The following PGK1 variants were observed in gnomAD, a reference collection of about 807,000 sequenced individuals.
The protein encoded by PGK1 is phosphoglycerate kinase 1.
In PGK1, 3 loss-of-function variants were observed where a neutral mutation model predicts 26.9. The ratio of observed to expected loss-of-function variants is 0.11; its 90% CI spans 0.05 to 0.29. PGK1 has a LOEUF of 0.29. Ranked by LOEUF, PGK1 falls within the 10% of genes least tolerant of loss-of-function variation. The pLI, the probability that PGK1 is intolerant of heterozygous loss-of-function variation, is 1.00. For missense variants in PGK1, 270 were observed against 314.7 expected (o/e 0.86, Z 1.07); for synonymous variants, 125 against 115.3 (o/e 1.08, Z -0.54).
At chrX:78,107,383 T>C (rs2078277204) in intron 1 of PGK1, among the ~76,000 whole-genome samples, 1 of 111,728 alleles carries the variant, frequency 9.0e-6, no homozygotes, top group South Asian at 3.8e-4. Flanking sequence ...ATGCTACCTC[T>C]TTATAATAAT....
intron 8 of PGK1, among the ~76,000 whole-genome samples, chrX:78,123,613 T>A: frequency 1.0e-5 from 1 of 100,186 alleles, no homozygotes; most frequent in East Asian, 3.3e-4. Context: ...TGTTGTTGTT[T>A]TTTTTTTTTT....
rs1557247562 is a variant in PGK1, at chrX:78,117,369, G to A, written c.475G>A (p.Asp159Asn). 4.1e-6 allele frequency: 5 copies of A among 1,204,910 alleles called. No homozygotes were observed. In the South Asian group the frequency reaches 8.8e-5, roughly 21 times the overall value. Residue 159 changes from aspartate (D) to asparagine (N), a missense_variant, in exon 5 of 11, where the codon GAT becomes AAT. Coordinates refer to ENST00000373316, the MANE Select transcript of PGK1 (RefSeq NM_000291.4). Reference sequence around the variant, plus strand: ...CCGAGCTTCACTTTCCAAGCTAGGGGATGTCTATGTCAATGATGCTTTTGG... The same window carrying A: ...CCGAGCTTCACTTTCCAAGCTAGGGAATGTCTATGTCAATGATGCTTTTGG... ...AFRASLSKLG[D>N]VYVNDAFGTA...
chrX:78,104,843 C>T (rs192323209), intron 1 of PGK1, among the ~76,000 whole-genome samples: 27 of 111,711 alleles, frequency 2.4e-4, no homozygotes, highest in Admixed American at 2.3e-3. Flanking sequence ...CGGCCCACAT[C>T]TCACAGGTTC....
At position 78,117,400 on chromosome X, in the gene PGK1, C is replaced by A; in HGVS notation, c.506C>A (p.Ala169Asp). 1 of 1,155,438 alleles carries A rather than the reference C, an allele frequency of 8.7e-7. No homozygotes were observed. Among genetic ancestry groups the A allele is most frequent in the Non-Finnish European group, 1.2e-6 (1 of 843,916 alleles). Residue 169 changes from alanine (A) to aspartate (D), a missense_variant, in exon 5 of 11, where the codon GCT becomes GAT. Coordinates refer to ENST00000373316, the MANE Select transcript of PGK1 (RefSeq NM_000291.4). ...TATGTCAATGATGCTTTTGGCACTGCTCACAGAGCCCACAGGTACCAAGAA... is the reference window on the plus strand; with the variant it reads ...TATGTCAATGATGCTTTTGGCACTGATCACAGAGCCCACAGGTACCAAGAA... ...DVYVNDAFGT[A>D]HRAHSSMVGV...
At chrX:78,125,555 G>A (rs1208002609) in intron 10 of PGK1, 130 bp downstream of exon 10, 2 of 547,350 alleles carry the variant, frequency 3.7e-6, no homozygotes, top group African/African-American at 4.6e-5. Context: ...GGGCAGTACA[G>A]AGGAACTTCA....
At chrX:78,125,269 C>A in intron 9 of PGK1, 58 bp from the exon 10 acceptor site, 1 of 962,999 alleles carries the variant, frequency 1.0e-6, no homozygotes, top group Non-Finnish European at 1.5e-6. Flanking sequence ...AGTTTTGGTG[C>A]CAATCCCTTT....
chrX:78,106,905 T>C (rs782523004), intron 1 of PGK1, among the ~76,000 whole-genome samples: 15 of 107,628 alleles, frequency 1.4e-4, no homozygotes, highest in African/African-American at 4.7e-4. Context: ...CTCCAACTTG[T>C]AACTTGTAAA....
chrX:78,125,088 C>T, intron 9 of PGK1, 37 bp downstream of exon 9: 1 of 1,121,015 alleles, frequency 8.9e-7, no homozygotes. Context: ...CCCATATAAG[C>T]TGGCAGAATT....
intron 2 of PGK1, among the ~76,000 whole-genome samples, chrX:78,110,365 G>A (rs1173727503): frequency 1.8e-5 from 2 of 109,371 alleles, no homozygotes; most frequent in Admixed American, 1.9e-4. Context: ...TCACTATGTT[G>A]CCTAGGCTGT....
intron 1 of PGK1, among the ~76,000 whole-genome samples, chrX:78,105,014 G>A (rs1045791590): frequency 8.9e-6 from 1 of 112,408 alleles, no homozygotes; most frequent in African/African-American, 3.2e-5. Context: ...CCTGCAGCGC[G>A]GTATCGTTGG....
intron 6 of PGK1, among the ~76,000 whole-genome samples, chrX:78,118,782 G>C (rs1557247721): frequency 9.0e-6 from 1 of 110,631 alleles, no homozygotes; most frequent in East Asian, 2.8e-4. Context: ...AGAGCTATCT[G>C]ATGGGAACTG....
At chrX:78,121,268 G>T (rs1453058728) in intron 6 of PGK1, among the ~76,000 whole-genome samples, 1 of 112,102 alleles carries the variant, frequency 8.9e-6, no homozygotes, top group African/African-American at 3.2e-5. Context: ...TGGCTGTTAG[G>T]TATCTCTTGT....
Position 78,104,313 on chromosome X carries a change from G to C in PGK1, c.-28G>C, listed in dbSNP as rs1557245917. 1 of 1,136,470 alleles carries C rather than the reference G, an allele frequency of 8.8e-7. No individual in the cohort carries two copies. Among genetic ancestry groups the C allele is most frequent in the African/African-American group, 1.8e-5 (1 of 56,064 alleles). 93.7% of individuals were successfully genotyped at this position (1,136,470 alleles called of 1,213,427 possible). On this transcript the variant is annotated 5_prime_UTR_variant, in exon 1 of 11. Coordinates refer to ENST00000373316, the MANE Select transcript of PGK1 (RefSeq NM_000291.4). ...CGGCTCCCTCGTTGACCGAATCACC[G>C]ACCTCTCTCCCCAGCTGTATTTCCA...
chrX:78,123,428 A>T (rs1603398551), intron 8 of PGK1, 54 bp downstream of exon 8: 1 of 925,569 alleles, frequency 1.1e-6, no homozygotes, highest in Non-Finnish European at 1.6e-6. Context: ...CTGTGGTGTC[A>T]TTTATTCATT....
chrX:78,109,946 G>T, intron 2 of PGK1, 29 bp downstream of exon 2: 3 of 998,473 alleles, frequency 3.0e-6, no homozygotes, highest in Middle Eastern at 2.6e-4. Context: ...CTTGGGCTGG[G>T]TTTAAGATGT....
intron 2 of PGK1, among the ~76,000 whole-genome samples, chrX:78,110,753 A>C (rs782472619): frequency 9.0e-5 from 10 of 110,665 alleles, no homozygotes; most frequent in Non-Finnish European, 1.5e-4. Context: ...AATGGCTCAG[A>C]TAAGTCAATT....
At position 78,124,925 on chromosome X, in the gene PGK1, C is replaced by T. The variant is rs782819714; in HGVS notation, c.988C>T (p.Arg330Trp). The stretch of plus-strand genomic sequence containing the variant: ...CAAGAAGTATGCTGAGGCTGTCACT[C>T]GGGCTAAGCAGATTGTGTGGAATGG... ...SSKKYAEAVTRAKQIVWNGPV... is the reference protein window; with the variant it reads ...SSKKYAEAVTWAKQIVWNGPV... The change falls in exon 9 of 11, where the codon CGG becomes TGG. Residue 330 changes from arginine to tryptophan, a missense_variant. Around this residue, in one of 3 missense-constraint regions of PGK1, gnomAD observed 103 missense variants for 114.6 expected, o/e 0.90. Coordinates refer to ENST00000373316, the MANE Select transcript of PGK1 (RefSeq NM_000291.4). 9.9e-6 allele frequency: 12 copies of T among 1,206,940 alleles called. No individual in the cohort carries two copies. The highest frequency in any genetic ancestry group is 7.1e-5 in the South Asian group (4 of 56,705).
rs1214041710 is a variant in PGK1 at position 78,113,965 on chromosome X, G to T, written c.273-51G>T. 1.3e-5 allele frequency: 16 copies of T among 1,204,597 alleles called. No individual in the cohort carries two copies. The Admixed American group carries it at 2.4e-4, about 18-fold the overall frequency. On this transcript the variant is annotated intron_variant, in intron 3 of 10. Coordinates refer to ENST00000373316, the MANE Select transcript of PGK1 (RefSeq NM_000291.4). ...GGAAGTTGTCAAGCACGTTGTTACT[G>T]GTTTTTAACTTTCATACTGCTCAAG...
Position 78,113,936 on chromosome X carries a change from C to G in PGK1, c.272+37C>G, listed in dbSNP as rs781952507. On this transcript the variant is annotated intron_variant, in intron 3 of 10. Coordinates refer to ENST00000373316, the MANE Select transcript of PGK1 (RefSeq NM_000291.4). Reference sequence around the variant, plus strand: ...GCTCTGGTGCTGGTAGACTTTGTGGCGGGGGAAGTTGTCAAGCACGTTGTT... The same window carrying G: ...GCTCTGGTGCTGGTAGACTTTGTGGGGGGGGAAGTTGTCAAGCACGTTGTT... 3 of 1,205,095 alleles carry G rather than the reference C, an allele frequency of 2.5e-6. No homozygotes were observed. In the African/African-American group the frequency reaches 5.3e-5, roughly 21 times the overall value.
Sources: allele counts gnomAD v4.1 joint callset (sites outside exome capture counted in the v4.1 genomes callset), GRCh38; gene constraint gnomAD v4.1.1; regional missense constraint gnomAD v4.1.1; transcripts MANE v1.5; gene names NCBI Gene and HGNC (gene_info 2026-07-23, HGNC 2026-07-21).